Variants in INPP4B observed in about 807,000 individuals in gnomAD.
The protein encoded by INPP4B is inositol polyphosphate 4-phosphatase type II.
Under a neutral mutation model 122.5 loss-of-function variants are expected in INPP4B, and 55 were observed. That is an observed-to-expected ratio of 0.45 (90% CI 0.36 to 0.56). The LOEUF (loss-of-function observed/expected upper bound fraction) is 0.56, where lower values mean the gene tolerates loss of function less well. Ranked by LOEUF, INPP4B falls within the 20% of genes least tolerant of loss-of-function variation. INPP4B has a pLI of 0.00. For missense variants in INPP4B, 1,000 were observed against 1,097.7 expected, an observed-to-expected ratio of 0.91 and a Z score of 1.26; for synonymous variants, 403 against 388.7, an observed-to-expected ratio of 1.04 and a Z score of -0.43.
intron 7 of INPP4B, among the ~76,000 whole-genome samples, chr4:142,384,739 C>T (rs916832509): frequency 7.9e-5 from 12 of 152,000 alleles, no homozygotes; most frequent in Non-Finnish European, 1.0e-4. Context: ...TTTAGTTAAA[C>T]TCGTGTCATG....
chr4:142,709,054 T>C (rs1762801588), intron 2 of INPP4B, among the ~76,000 whole-genome samples: 1 of 152,036 alleles, frequency 6.6e-6, no homozygotes, highest in South Asian at 2.1e-4. Context: ...AGACATGGAG[T>C]CAAATGAGAT....
chr4:142,375,807 A>G (rs1791628439), intron 7 of INPP4B, among the ~76,000 whole-genome samples: 1 of 151,938 alleles, frequency 6.6e-6, no homozygotes, highest in South Asian at 2.1e-4. Context: ...GTGGAAAGAG[A>G]AAAATCCTGG....
At chr4:142,521,768 T>C (rs1034825852) in intron 2 of INPP4B, among the ~76,000 whole-genome samples, 4 of 152,112 alleles carry the variant, frequency 2.6e-5, no homozygotes. Flanking sequence ...AAAAATATCA[T>C]TTTGTACACA....
chr4:142,268,348 G>GAAAAAAA (rs1383781390), intron 10 of INPP4B, among the ~76,000 whole-genome samples: 3 of 26,766 alleles, frequency 1.1e-4, no homozygotes, highest in African/African-American at 1.7e-4. Context: ...AAAAAAAAAT[G>GAAAAAAA]AGGGGTAAGT....
intron 7 of INPP4B, among the ~76,000 whole-genome samples, chr4:142,388,742 A>T (rs1391097): frequency 6.6e-6 from 1 of 152,008 alleles, no homozygotes; most frequent in African/African-American, 2.4e-5. Flanking sequence ...ATTAAAAAAT[A>T]GGCTGATTGG....
At chr4:142,360,316 C>T (rs1784974635) in intron 7 of INPP4B, among the ~76,000 whole-genome samples, 1 of 151,902 alleles carries the variant, frequency 6.6e-6, no homozygotes, top group Non-Finnish European at 1.5e-5. Flanking sequence ...AACTTGCTCA[C>T]TTAAGACTTT....
At chr4:142,592,591 T>C (rs1343148410) in intron 2 of INPP4B, among the ~76,000 whole-genome samples, 1 of 152,216 alleles carries the variant, frequency 6.6e-6, no homozygotes, top group Non-Finnish European at 1.5e-5. Context: ...TCTATTTCTA[T>C]GGAATCAGTT....
At chr4:142,537,427 T>TAGAGAG (rs1491326417) in intron 2 of INPP4B, among the ~76,000 whole-genome samples, 25 of 33,862 alleles carry the variant, frequency 7.4e-4, no homozygotes, top group Non-Finnish European at 1.1e-3. Context: ...TATATATATA[T>TAGAGAG]ATAGAGAGAG....
chr4:142,665,320 G>C (rs1465562817), intron 2 of INPP4B, among the ~76,000 whole-genome samples: 1 of 151,916 alleles, frequency 6.6e-6, no homozygotes, highest in Non-Finnish European at 1.5e-5. Flanking sequence ...GTGAAACCCT[G>C]TCTCTACTAA....
rs202124440 is a variant in INPP4B, at chr4:142,700,684, T to A, written c.-191+25155A>T. On this transcript the variant is annotated intron_variant, in intron 2 of 25. Coordinates refer to ENST00000262992, the MANE Select transcript of INPP4B (RefSeq NM_001101669.3). ...TTATTTGCATGAAATTTTTTTTTTA[T>A]TTTTTGCAGCAGGTGCATTTTCCTA... 5.2e-3 allele frequency among the ~76,000 whole-genome samples: 45 copies of A among 8,606 alleles called. 1 individual carries two copies. The South Asian group carries it at 0.071, about 14-fold the overall frequency. 5.6% of individuals were successfully genotyped at this position (8,606 alleles called of 152,430 possible).
At chr4:142,103,370 T>C (rs1433976698) in intron 23 of INPP4B, among the ~76,000 whole-genome samples, 1 of 152,128 alleles carries the variant, frequency 6.6e-6, no homozygotes, top group Non-Finnish European at 1.5e-5. Context: ...AATAATTCCC[T>C]TGAAATTAGT....
At chr4:142,265,465 T>C (rs1326898283) in intron 10 of INPP4B, among the ~76,000 whole-genome samples, 1 of 152,212 alleles carries the variant, frequency 6.6e-6, no homozygotes, top group Non-Finnish European at 1.5e-5. Flanking sequence ...TGGATTTTTA[T>C]TTAGCAGATG....
intron 14 of INPP4B, among the ~76,000 whole-genome samples, chr4:142,194,976 G>C (rs1397155970): frequency 6.6e-6 from 1 of 152,200 alleles, no homozygotes; most frequent in Non-Finnish European, 1.5e-5. Context: ...CTTCTGAATG[G>C]AATGAGTTCC....
At position 142,343,969 on chromosome 4, in the gene INPP4B, A is replaced by T. The variant is rs114613454; in HGVS notation, c.373-29207T>A. On this transcript the variant is annotated intron_variant, in intron 7 of 25. Transcript: ENST00000262992. ...ATTTCTGGACCATAAATAGCTCACT[A>T]AGTATCACTTTTGCTAAGTAATAAG... Among the ~76,000 whole-genome samples the T allele has an allele frequency of 5.6e-3, 845 of 152,212 alleles. 12 individuals carry two copies. The highest frequency in any genetic ancestry group is 0.018 in the African/African-American group (759 of 41,556).
chr4:142,562,290 A>G (rs1358757931), intron 2 of INPP4B, among the ~76,000 whole-genome samples: 2 of 152,228 alleles, frequency 1.3e-5, no homozygotes, highest in Non-Finnish European at 2.9e-5. Flanking sequence ...AACTTCTGCC[A>G]CTGAATGATT....
At chr4:142,147,176 G>C (rs1359442953) in intron 17 of INPP4B, among the ~76,000 whole-genome samples, 2 of 152,090 alleles carry the variant, frequency 1.3e-5, no homozygotes, top group Non-Finnish European at 2.9e-5. Flanking sequence ...GCTATCCCAG[G>C]AACCTGGAGT....
In INPP4B at chr4:142,460,633, G is replaced by A. The variant is rs200163271; in HGVS notation, c.-127+2030C>T. ...TGGCAAGAGTAGTAATTAAAAAGCAGCTGTCTCTTGTCTTTCTGGTATGAA... is the reference window on the plus strand; with the variant it reads ...TGGCAAGAGTAGTAATTAAAAAGCAACTGTCTCTTGTCTTTCTGGTATGAA... On this transcript the variant is annotated intron_variant, in intron 3 of 25. Transcript: ENST00000262992. Among the ~76,000 whole-genome samples the A allele has an allele frequency of 2.0e-5, 3 of 152,178 alleles. No homozygotes were observed. The East Asian group carries it at 5.8e-4, about 29-fold the overall frequency.
intron 11 of INPP4B, among the ~76,000 whole-genome samples, chr4:142,256,180 G>C (rs1462794957): frequency 6.6e-6 from 1 of 150,562 alleles, no homozygotes; most frequent in Non-Finnish European, 1.5e-5. Context: ...CAACATACCA[G>C]AATCTCTGGG....
chr4:142,335,345 G>A (rs1482431330), intron 7 of INPP4B, among the ~76,000 whole-genome samples: 2 of 152,074 alleles, frequency 1.3e-5, no homozygotes, highest in Non-Finnish European at 2.9e-5. Flanking sequence ...TCTAACGTCA[G>A]TTCTGGTCCT....
Sources: allele counts gnomAD v4.1 joint callset (sites outside exome capture counted in the v4.1 genomes callset), GRCh38; gene constraint gnomAD v4.1.1; transcripts MANE v1.5; gene names NCBI Gene and HGNC (gene_info 2026-07-23, HGNC 2026-07-21).